Variants in TNR observed in about 807,000 individuals in gnomAD.
TNR encodes tenascin R, also known as tenascin-R.
Under a neutral mutation model 150.4 loss-of-function variants are expected in TNR, and 45 were observed. That is an observed-to-expected ratio of 0.30 (90% CI 0.24 to 0.38). The LOEUF (loss-of-function observed/expected upper bound fraction) is 0.38, where lower values mean the gene tolerates loss of function less well. Among genes scored for constraint, TNR ranks in the 10% least tolerant of loss-of-function variants. The pLI, the probability that TNR is intolerant of heterozygous loss-of-function variation, is 1.00. For synonymous variants in TNR, 687 were observed against 678.4 expected (o/e 1.01, Z -0.20); for missense variants, 1,544 against 1,759.1 (o/e 0.88, Z 2.19).
chr1:175,466,701 A>G (rs1386202432), intron 2 of TNR, among the ~76,000 whole-genome samples: 5 of 152,338 alleles, frequency 3.3e-5, no homozygotes, highest in Non-Finnish European at 5.9e-5. Flanking sequence ...GCTTGTCAGA[A>G]GGACCACCTG....
chr1:175,590,005 A>T (rs901154886), intron 1 of TNR, among the ~76,000 whole-genome samples: 3 of 152,330 alleles, frequency 2.0e-5, no homozygotes, highest in Admixed American at 1.3e-4. Flanking sequence ...ATAATAATAA[A>T]AAAAAGACAG....
At chr1:175,553,821 C>A (rs898683339) in intron 1 of TNR, among the ~76,000 whole-genome samples, 1 of 150,276 alleles carries the variant, frequency 6.7e-6, no homozygotes, top group African/African-American at 2.5e-5. Context: ...AGAACAAACA[C>A]ACACACACAC....
chr1:175,395,538 G>C (rs2051607), intron 5 of TNR, among the ~76,000 whole-genome samples: 36,980 of 152,048 alleles, frequency 0.24, 5,399 homozygotes, highest in East Asian at 0.52. Context: ...TCTCTTCCCA[G>C]ATTTTAATCA....
At chr1:175,331,162 T>TTTCCTTCCTTCCTTCCTTCCTTCC (rs199944963) in intron 20 of TNR, among the ~76,000 whole-genome samples, 32 of 70,908 alleles carry the variant, frequency 4.5e-4, no homozygotes, top group African/African-American at 1.8e-3. Context: ...TTTCTTTTTC[T>TTTCCTTCCTTCCTTCCTTCCTTCC]TTCCTTCCTT....
chr1:175,733,823 G>T (rs956611549), intron 1 of TNR, among the ~76,000 whole-genome samples: 4 of 152,084 alleles, frequency 2.6e-5, no homozygotes, highest in Admixed American at 6.5e-5. Context: ...GCCTCTCGAG[G>T]GTCCAGTCTG....
rs1466555646 is a variant in TNR at position 175,417,028 on chromosome 1, A to AAAGAAAGAAAGG, written c.-63-10252_-63-10251insCCTTTCTTTCTT. Among the ~76,000 whole-genome samples, 142 of 96,062 alleles carry AAAGAAAGAAAGG rather than the reference A, an allele frequency of 1.5e-3. 2 individuals carry two copies. The highest frequency in any genetic ancestry group is 5.2e-3 in the African/African-American group (135 of 26,200). The allele number at this position is 96,062 out of a possible 152,430, so 63.0% of individuals were successfully genotyped here. ...ATCTCAAAAAAAGAAAGAAAGAAAG[A>AAAGAAAGAAAGG]AAGAAAGAAAGAAAGAAAGAAAGAA... is the stretch of plus-strand genomic sequence containing the variant. On this transcript the variant is annotated intron_variant, in intron 2 of 22. Coordinates refer to ENST00000367674, the MANE Select transcript of TNR (RefSeq NM_003285.3).
At chr1:175,502,120 A>AC (rs1228996860) in intron 2 of TNR, among the ~76,000 whole-genome samples, 2 of 151,758 alleles carry the variant, frequency 1.3e-5, no homozygotes, top group Non-Finnish European at 2.9e-5. Context: ...AGATTAACTG[A>AC]CCCCCCATGC....
intron 1 of TNR, among the ~76,000 whole-genome samples, chr1:175,730,560 G>A (rs74129325): frequency 0.022 from 3,357 of 152,284 alleles, 107 homozygotes; most frequent in African/African-American, 0.072. Flanking sequence ...AACACTGGAT[G>A]AAAACCCATT....
rs980046894 is a variant in TNR, at chr1:175,323,202, A to T, written c.*155T>A. On this transcript the variant is annotated 3_prime_UTR_variant, in exon 23 of 23. Coordinates refer to ENST00000367674, the MANE Select transcript of TNR (RefSeq NM_003285.3). ...CTCCAGGGCAGCAGAAACCAAGAGC[A>T]GATGTTAGCCAGCGGATTCCTGCGA... 16 of 966,408 alleles carry T rather than the reference A, an allele frequency of 1.7e-5. No individual in the cohort carries two copies. In the African/African-American group the frequency reaches 2.7e-4, roughly 16 times the overall value. The allele number at this position is 966,408 out of a possible 1,614,324, so 59.9% of individuals were successfully genotyped here.
At chr1:175,555,573 G>T in intron 1 of TNR, among the ~76,000 whole-genome samples, 1 of 149,482 alleles carries the variant, frequency 6.7e-6, no homozygotes, top group East Asian at 2.0e-4. Flanking sequence ...ACACTTACAA[G>T]ATGCAAAATT....
chr1:175,480,626 T>G (rs1657765259), intron 2 of TNR, among the ~76,000 whole-genome samples: 1 of 152,188 alleles, frequency 6.6e-6, no homozygotes, highest in Non-Finnish European at 1.5e-5. Flanking sequence ...TACATGACAT[T>G]CATGGCTCAG....
chr1:175,574,776 C>T (rs1662034169), intron 1 of TNR, among the ~76,000 whole-genome samples: 1 of 152,232 alleles, frequency 6.6e-6, no homozygotes, highest in South Asian at 2.1e-4. Flanking sequence ...AGGCATGCTG[C>T]TTCCTTCCAA....
chr1:175,533,866 G>A (rs890568643), intron 1 of TNR, among the ~76,000 whole-genome samples: 1 of 152,090 alleles, frequency 6.6e-6, no homozygotes, highest in African/African-American at 2.4e-5. Flanking sequence ...AGGAAGCTTG[G>A]TGTGCTACCA....
intron 1 of TNR, among the ~76,000 whole-genome samples, chr1:175,676,657 C>A (rs1052340073): frequency 1.3e-5 from 2 of 152,192 alleles, no homozygotes; most frequent in African/African-American, 4.8e-5. Flanking sequence ...GGAAAAGCAG[C>A]CAGAAAGGGA....
intron 2 of TNR, among the ~76,000 whole-genome samples, chr1:175,513,242 G>A (rs1325970787): frequency 6.6e-6 from 1 of 152,164 alleles, no homozygotes; most frequent in Non-Finnish European, 1.5e-5. Context: ...TTTATTGGGG[G>A]AAATGTTGAT....
At chr1:175,359,953 C>T (rs575126015) in intron 14 of TNR, among the ~76,000 whole-genome samples, 3 of 152,276 alleles carry the variant, frequency 2.0e-5, no homozygotes, top group East Asian at 1.9e-4. Context: ...CCCCAGTCGC[C>T]CCCAGCTCTT....
chr1:175,691,689 G>A (rs1013067955), intron 1 of TNR, among the ~76,000 whole-genome samples: 11 of 152,098 alleles, frequency 7.2e-5, no homozygotes, highest in African/African-American at 2.4e-4. Context: ...GCTCAGATCA[G>A]GGGAAACCTG....
At chr1:175,608,147 T>G (rs1663474343) in intron 1 of TNR, among the ~76,000 whole-genome samples, 1 of 152,222 alleles carries the variant, frequency 6.6e-6, no homozygotes, top group Non-Finnish European at 1.5e-5. Context: ...TTCTGAAGGC[T>G]TATTACTCCC....
intron 1 of TNR, among the ~76,000 whole-genome samples, chr1:175,601,343 A>G (rs977082283): frequency 6.6e-6 from 1 of 152,208 alleles, no homozygotes. Context: ...ACTATTACAC[A>G]AAACTTAGTC....
Sources: allele counts gnomAD v4.1 joint callset (sites outside exome capture counted in the v4.1 genomes callset), GRCh38; gene constraint gnomAD v4.1.1; transcripts MANE v1.5; gene names NCBI Gene and HGNC (gene_info 2026-07-23, HGNC 2026-07-21).